The following C1orf21 variants were observed in gnomAD, a reference collection of about 807,000 sequenced individuals.
The protein encoded by C1orf21 is uncharacterized protein C1orf21.
C1orf21 carries 3 observed loss-of-function variants against 18.7 expected under a neutral mutation model. The observed-to-expected ratio is 0.16, with a 90% CI of 0.07 to 0.42. The LOEUF is 0.42. C1orf21 is among the 10% of genes least tolerant of loss of function. The probability of loss-of-function intolerance (pLI) is 0.99; values close to 1 mark genes in which losing one functional copy is unlikely to be tolerated. For missense variants in C1orf21, 104 were observed against 143.6 expected (o/e 0.72, Z 1.41); for synonymous variants, 41 against 46.4 (o/e 0.88, Z 0.47).
rs2378890 is a variant in C1orf21, at chr1:184,621,314, T to G, written c.*1758T>G. 1 of 152,750 alleles carries G rather than the reference T, an allele frequency of 6.5e-6. No individual in the cohort carries two copies. The highest frequency in any genetic ancestry group is 1.5e-5 in the Non-Finnish European group (1 of 68,034). The allele number at this position is 152,750 out of a possible 1,614,324, so 9.5% of individuals were successfully genotyped here. A position where few individuals can be genotyped will look rare whatever the true frequency, so the allele number is the denominator to read the frequency against. The stretch of plus-strand genomic sequence containing the variant: ...TTCTTTTGGCCAACAGCAGCTATTT[T>G]GGGGAGCAGCTGTGGCTGTTACATA... On this transcript the variant is annotated 3_prime_UTR_variant, in exon 6 of 6. Transcript: ENST00000235307.
intron 1 of C1orf21, among the ~76,000 whole-genome samples, chr1:184,417,247 A>G (rs1480575303): frequency 1.3e-5 from 2 of 152,144 alleles, no homozygotes; most frequent in Non-Finnish European, 2.9e-5. Flanking sequence ...AAAGCTGCAT[A>G]AAAAGAAAAT....
chr1:184,527,746 C>T (rs772495643), intron 3 of C1orf21, among the ~76,000 whole-genome samples: 14 of 152,180 alleles, frequency 9.2e-5, no homozygotes, highest in Non-Finnish European at 1.8e-4. Flanking sequence ...TGTTACCTAA[C>T]CTCTCTGAGC....
chr1:184,520,227 G>A (rs562691137), intron 3 of C1orf21, among the ~76,000 whole-genome samples: 1 of 152,256 alleles, frequency 6.6e-6, no homozygotes, highest in East Asian at 1.9e-4. Flanking sequence ...GTTCCTGTTC[G>A]AGTGTAATGG....
intron 2 of C1orf21, among the ~76,000 whole-genome samples, chr1:184,489,692 T>C (rs1185266533): frequency 6.6e-6 from 1 of 152,248 alleles, no homozygotes; most frequent in East Asian, 1.9e-4. Context: ...TTTATTGATA[T>C]GGCAAAAGGT....
At chr1:184,602,173 C>T (rs190381795) in intron 5 of C1orf21, among the ~76,000 whole-genome samples, 56 of 152,280 alleles carry the variant, frequency 3.7e-4, no homozygotes, top group Non-Finnish European at 7.6e-4. Flanking sequence ...GGTTCTCCTC[C>T]GTGGAACACA....
intron 2 of C1orf21, among the ~76,000 whole-genome samples, chr1:184,500,215 G>T (rs1485372909): frequency 6.6e-6 from 1 of 152,166 alleles, no homozygotes; most frequent in Admixed American, 6.5e-5. Context: ...TTTGGATCTG[G>T]TTGTGTCTTT....
chr1:184,588,491 G>A (rs1350883532), intron 3 of C1orf21, among the ~76,000 whole-genome samples: 1 of 152,116 alleles, frequency 6.6e-6, no homozygotes, highest in Non-Finnish European at 1.5e-5. Context: ...GGAGTTTGGG[G>A]CCAAACTGCT....
intron 3 of C1orf21, among the ~76,000 whole-genome samples, chr1:184,589,958 A>G (rs1219324553): frequency 1.3e-5 from 2 of 152,110 alleles, no homozygotes; most frequent in Non-Finnish European, 2.9e-5. Flanking sequence ...AAGTTCCTCG[A>G]GTGTATATAG....
At chr1:184,600,465 G>C (rs961851067) in intron 5 of C1orf21, among the ~76,000 whole-genome samples, 1 of 152,136 alleles carries the variant, frequency 6.6e-6, no homozygotes, top group Admixed American at 6.5e-5. Context: ...ACCGTGCCTG[G>C]CCCAGTGTGT....
intron 1 of C1orf21, among the ~76,000 whole-genome samples, chr1:184,441,681 C>G (rs887389693): frequency 5.9e-5 from 9 of 152,184 alleles, no homozygotes; most frequent in African/African-American, 2.4e-5. Context: ...ATCCTAACCA[C>G]TGTGTTTACA....
Position 184,619,382 on chromosome 1 carries a change from G to A in C1orf21, c.328-136G>A, listed in dbSNP as rs1301166903. ...ATGTATTTATGACGTAGCTACCCCTGTGCCAGCTATCACTGACAAAGCCTG... is the reference window on the plus strand; with the variant it reads ...ATGTATTTATGACGTAGCTACCCCTATGCCAGCTATCACTGACAAAGCCTG... On this transcript the variant is annotated intron_variant, in intron 5 of 5. Transcript: ENST00000235307. 5.8e-5 allele frequency: 51 copies of A among 874,608 alleles called. 1 individual carries two copies. The highest frequency in any genetic ancestry group is 9.0e-5 in the Non-Finnish European group (50 of 553,110). 54.2% of individuals were successfully genotyped at this position (874,608 alleles called of 1,614,324 possible). A position where few individuals can be genotyped will look rare whatever the true frequency, so the allele number is the denominator to read the frequency against.
intron 4 of C1orf21, among the ~76,000 whole-genome samples, chr1:184,594,530 G>A (rs993280935): frequency 8.5e-5 from 13 of 152,268 alleles, no homozygotes; most frequent in African/African-American, 2.9e-4. Context: ...TGAAATATGT[G>A]GGGAGACTAA....
chr1:184,474,026 CAT>C (rs1038383861), intron 1 of C1orf21, among the ~76,000 whole-genome samples: 6 of 152,156 alleles, frequency 3.9e-5, no homozygotes, highest in African/African-American at 1.2e-4. Context: ...ATCCAAATGA[CAT>C]AGTAAAAAAC....
intron 1 of C1orf21, among the ~76,000 whole-genome samples, chr1:184,470,735 C>T (rs12140574): frequency 0.012 from 1,805 of 152,086 alleles, 12 homozygotes; most frequent in Non-Finnish European, 0.019. Flanking sequence ...AAAAATGATC[C>T]GGGCATGGTG....
intron 2 of C1orf21, among the ~76,000 whole-genome samples, chr1:184,497,790 C>T (rs778313262): frequency 9.2e-5 from 14 of 152,154 alleles, no homozygotes; most frequent in Non-Finnish European, 1.9e-4. Context: ...CTCCTGGAAG[C>T]CAGCTTCAGC....
intron 1 of C1orf21, among the ~76,000 whole-genome samples, chr1:184,447,630 TA>T (rs1657054538): frequency 6.6e-6 from 1 of 152,206 alleles, no homozygotes; most frequent in African/African-American, 2.4e-5. Context: ...CATCTACATC[TA>T]AATATTCATC....
chr1:184,538,428 T>C (rs1231223861), intron 3 of C1orf21, among the ~76,000 whole-genome samples: 1 of 152,224 alleles, frequency 6.6e-6, no homozygotes, highest in African/African-American at 2.4e-5. Flanking sequence ...CTTTTTATTC[T>C]ATCACTCATA....
At chr1:184,571,396 G>A (rs1434047815) in intron 3 of C1orf21, among the ~76,000 whole-genome samples, 1 of 151,916 alleles carries the variant, frequency 6.6e-6, no homozygotes, top group East Asian at 1.9e-4. Context: ...TGACCAAAAT[G>A]CTGTTATGCA....
intron 3 of C1orf21, among the ~76,000 whole-genome samples, chr1:184,523,036 C>G (rs777898517): frequency 3.9e-5 from 6 of 152,138 alleles, no homozygotes; most frequent in Non-Finnish European, 8.8e-5. Context: ...ATCCATGAGT[C>G]CATACTGATG....
Sources: gnomAD v4.1 joint callset for allele counts (sites outside exome capture counted in the v4.1 genomes callset) on GRCh38, gnomAD v4.1.1 for gene constraint, MANE v1.5 for transcripts, NCBI Gene and HGNC (gene_info 2026-07-23, HGNC 2026-07-21) for gene names.